The following TMEM131 variants were observed in gnomAD, a reference collection of about 807,000 sequenced individuals.
TMEM131 encodes the protein transmembrane protein 131, also known as 2610524E03Rik.
A neutral mutation model predicts 211.6 loss-of-function variants in TMEM131; 66 were observed. The observed-to-expected ratio is 0.31, with a 90% CI of 0.26 to 0.38. The LOEUF (loss-of-function observed/expected upper bound fraction) is 0.38, where lower values mean the gene tolerates loss of function less well. Ranked by LOEUF, TMEM131 falls within the 10% of genes least tolerant of loss-of-function variation. The pLI, the probability that TMEM131 is intolerant of heterozygous loss-of-function variation, is 1.00. For missense variants in TMEM131, 2,036 were observed against 2,299.3 expected, an observed-to-expected ratio of 0.89 and a Z score of 2.34; for synonymous variants, 844 against 841.3, an observed-to-expected ratio of 1.00 and a Z score of -0.06.
rs144201086 is a variant in TMEM131, at chr2:97,775,930, A to C, written c.4233T>G (p.Asp1411Glu). The C allele has an allele frequency of 6.2e-7, 1 of 1,613,868 alleles. No individual in the cohort carries two copies. The highest frequency in any genetic ancestry group is 8.5e-7 in the Non-Finnish European group (1 of 1,179,888). Residue 1411 changes from aspartate (D) to glutamate (E), a missense_variant, in exon 32 of 41, where the codon GAT becomes GAG. By Grantham distance (45) the Asp-to-Glu change is conservative. This residue lies in a region of TMEM131 where 1,623 missense variants were observed against 1,805.9 expected (regional missense o/e 0.90). Transcript: ENST00000186436. ...CATCAGCCAAAGAGTCCTTCAGCTC[A>C]TCTTCCTGTGGCTTTCCCTTTCCCT... ...EKKGKGKPQE[D>E]ELKDSLADDD...
intron 1 of TMEM131, among the ~76,000 whole-genome samples, chr2:97,990,512 C>T (rs976400213): frequency 3.9e-5 from 6 of 152,170 alleles, no homozygotes; most frequent in South Asian, 2.1e-4. Context: ...AGCCCTATCA[C>T]GCTGGGTATA....
Position 97,910,368 on chromosome 2 carries a change from C to T in TMEM131, c.250-1670G>A, listed in dbSNP as rs774931429. Among the ~76,000 whole-genome samples the T allele has an allele frequency of 9.9e-5, 15 of 152,192 alleles. No individual in the cohort carries two copies. The South Asian group carries it at 1.9e-3, about 19-fold the overall frequency. ...TAGAATTACCATACGACCCGCAATC[C>T]CACTTCTGTGTATATACCCTAAAGA... On this transcript the variant is annotated intron_variant, in intron 2 of 40. Transcript: ENST00000186436.
rs377089477 is a variant in TMEM131, at chr2:97,762,930, G to C, written c.4724-730C>G. The C allele has an allele frequency of 1.1e-4, 16 of 152,238 alleles. 1 individual carries two copies. The highest frequency in any genetic ancestry group is 3.9e-4 in the African/African-American group (16 of 41,526). The allele number at this position is 152,238 out of a possible 1,614,324, so 9.4% of individuals were successfully genotyped here. On this transcript the variant is annotated intron_variant, in intron 35 of 40. Coordinates refer to ENST00000186436, the MANE Select transcript of TMEM131 (RefSeq NM_015348.2). ...ACGGAAATATGTATACCTTTTATCA[G>C]AAAAATGTATCATTTTGCACATCTA...
At chr2:97,890,052 T>C (rs1675317481) in intron 3 of TMEM131, among the ~76,000 whole-genome samples, 1 of 151,972 alleles carries the variant, frequency 6.6e-6, no homozygotes, top group African/African-American at 2.4e-5. Context: ...ATTTGGCGAG[T>C]TGAACAAGGA....
intron 4 of TMEM131, among the ~76,000 whole-genome samples, 174 bp from the exon 5 acceptor site, chr2:97,859,601 A>G (rs1673983266): frequency 1.3e-5 from 2 of 152,224 alleles, no homozygotes; most frequent in African/African-American, 4.8e-5. Context: ...TTCAATAAAT[A>G]TTTCCTGAGT....
chr2:97,948,655 T>A (rs1473301055), intron 1 of TMEM131, among the ~76,000 whole-genome samples: 1 of 151,818 alleles, frequency 6.6e-6, no homozygotes, highest in Non-Finnish European at 1.5e-5. Flanking sequence ...GTAGTTTCTT[T>A]TTTTTTTATT....
chr2:97,758,119 A>AAG (rs1008564957), intron 40 of TMEM131, among the ~76,000 whole-genome samples: 5 of 151,766 alleles, frequency 3.3e-5, no homozygotes, highest in African/African-American at 1.2e-4. Flanking sequence ...GCTACAGAGC[A>AAG]AGACTCTGTC....
intron 4 of TMEM131, among the ~76,000 whole-genome samples, chr2:97,879,844 C>G (rs1472395725): frequency 1.3e-5 from 2 of 151,292 alleles, no homozygotes; most frequent in East Asian, 3.8e-4. Flanking sequence ...GGCTTCTGGT[C>G]AAAAGTAGGC....
intron 7 of TMEM131, 125 bp from the exon 8 acceptor site, chr2:97,837,282 G>A (rs753100131): frequency 4.7e-6 from 3 of 634,336 alleles, no homozygotes; most frequent in South Asian, 2.2e-5. Context: ...AGATATAAAC[G>A]TAGGATATGT....
chr2:97,911,892 A>G (rs1676306845), intron 2 of TMEM131, among the ~76,000 whole-genome samples: 1 of 152,210 alleles, frequency 6.6e-6, no homozygotes, highest in Non-Finnish European at 1.5e-5. Flanking sequence ...TTAAAAGTAT[A>G]TCTGAAAATT....
intron 4 of TMEM131, among the ~76,000 whole-genome samples, chr2:97,868,067 T>G (rs951366714): frequency 6.6e-6 from 1 of 152,254 alleles, no homozygotes; most frequent in African/African-American, 2.4e-5. Flanking sequence ...AAGGGTATAT[T>G]TGCTTCAAGT....
At chr2:97,942,939 T>C (rs1330703525) in intron 1 of TMEM131, among the ~76,000 whole-genome samples, 3 of 122,728 alleles carry the variant, frequency 2.4e-5, no homozygotes, top group Non-Finnish European at 5.2e-5. Context: ...CTGGGCAACA[T>C]AGCAACATAC....
At chr2:97,884,820 T>C (rs1214649292) in intron 4 of TMEM131, among the ~76,000 whole-genome samples, 1 of 152,188 alleles carries the variant, frequency 6.6e-6, no homozygotes, top group Non-Finnish European at 1.5e-5. Context: ...ACAGATGAGG[T>C]GAGTTTCTTA....
In TMEM131 at chr2:97,805,419, C is replaced by A; in HGVS notation, c.2241G>T (p.Gln747His). 6.2e-7 allele frequency: 1 copy of A among 1,613,982 alleles called. No individual in the cohort carries two copies. Among genetic ancestry groups the A allele is most frequent in the Non-Finnish European group, 8.5e-7 (1 of 1,179,882 alleles). Residue 747 changes from glutamine (Q) to histidine (H), a missense_variant, in exon 21 of 41, where the codon CAG becomes CAT. Physicochemically the swap from Gln to His is conservative, Grantham distance 24. Around this residue, in one of 3 missense-constraint regions of TMEM131, gnomAD observed 1,623 missense variants for 1,805.9 expected, o/e 0.90. Coordinates refer to ENST00000186436, the MANE Select transcript of TMEM131 (RefSeq NM_015348.2). ...IANIYFDPGLQCGDHCYVGLP... is the reference protein window; with the variant it reads ...IANIYFDPGLHCGDHCYVGLP... The stretch of plus-strand genomic sequence containing the variant: ...AGCCAACATAGCAATGATCCCCACA[C>A]TGTAGTCCAGGATCAAAATAAATGT...
At chr2:97,886,728 A>C (rs1441635272) in intron 4 of TMEM131, among the ~76,000 whole-genome samples, 1 of 151,962 alleles carries the variant, frequency 6.6e-6, no homozygotes, top group African/African-American at 2.4e-5. Context: ...CAGGGCTGTT[A>C]CTCTGGACAG....
chr2:97,885,371 T>C (rs1234826786), intron 4 of TMEM131, among the ~76,000 whole-genome samples: 1 of 151,566 alleles, frequency 6.6e-6, no homozygotes, highest in Non-Finnish European at 1.5e-5. Context: ...TTTTTTTGTA[T>C]TTTTAGTAGA....
At chr2:97,818,816 G>A (rs1194795456) in intron 11 of TMEM131, 95 bp from the exon 12 acceptor site, 1 of 768,490 alleles carries the variant, frequency 1.3e-6, no homozygotes, top group Non-Finnish European at 2.1e-6. Flanking sequence ...GAAAAGTAAA[G>A]TGGACTCTAA....
rs1683332075 is a variant in TMEM131, at chr2:97,844,441, A to T, written c.484-180T>A. Among the ~76,000 whole-genome samples the T allele has an allele frequency of 3.3e-5, 5 of 152,342 alleles. No individual in the cohort carries two copies. The South Asian group carries it at 1.0e-3, about 32-fold the overall frequency. On this transcript the variant is annotated intron_variant, in intron 5 of 40. Transcript: ENST00000186436. ...TTCCATATTGAATGTCTACAGTCAC[A>T]TATCTTTGTCAATTACCAGCCACAG...
chr2:97,862,637 GAAGA>G (rs532602527), intron 4 of TMEM131, among the ~76,000 whole-genome samples: 168 of 152,112 alleles, frequency 1.1e-3, no homozygotes, highest in African/African-American at 3.9e-3. Context: ...TGATCAAGCA[GAAGA>G]AAGAATTAGT....
Sources: gnomAD v4.1 joint callset for allele counts (sites outside exome capture counted in the v4.1 genomes callset) on GRCh38, gnomAD v4.1.1 for gene constraint, gnomAD v4.1.1 regional missense constraint, MANE v1.5 for transcripts, NCBI Gene and HGNC (gene_info 2026-07-23, HGNC 2026-07-21) for gene names.